The following CBX2 variants were observed in gnomAD, a reference collection of about 807,000 sequenced individuals.
The protein encoded by CBX2 is chromobox protein homolog 2.
Under a neutral mutation model 21.0 loss-of-function variants are expected in CBX2, and 11 were observed. That is an observed-to-expected ratio of 0.52 (90% confidence interval 0.33 to 0.87). CBX2 has a LOEUF of 0.87. Among genes scored for constraint, CBX2 ranks in the 40% least tolerant of loss-of-function variants. CBX2 has a pLI of 0.02. For missense variants in CBX2, 746 were observed against 724.3 expected (o/e 1.03, Z -0.34); for synonymous variants, 364 against 304.6 (o/e 1.19, Z -2.03).
chr17:79,780,935 C>G (rs542096847), intron 3 of CBX2, among the ~76,000 whole-genome samples: 2 of 152,130 alleles, frequency 1.3e-5, no homozygotes, highest in African/African-American at 2.4e-5. Flanking sequence ...GCCTTCCAGG[C>G]CCCAATGAGA....
chr17:79,781,687 T>C lies in CBX2; in HGVS notation c.183-9T>C, dbSNP rs1907212936. ...GCTTCTCCCCCATTAACTAGTGGTGTGCCTTCAGGGAACATGAGAAGGAGG... is the reference window on the plus strand; with the variant it reads ...GCTTCTCCCCCATTAACTAGTGGTGCGCCTTCAGGGAACATGAGAAGGAGG... On this transcript the variant is annotated splice_polypyrimidine_tract_variant and intron_variant, in intron 3 of 4. Coordinates refer to ENST00000310942, the MANE Select transcript of CBX2 (RefSeq NM_005189.3). The C allele has an allele frequency of 5.6e-6, 9 of 1,610,134 alleles. No homozygotes were observed. The highest frequency in any genetic ancestry group is 7.6e-6 in the Non-Finnish European group (9 of 1,176,496).
rs782249643 is a variant in CBX2 at position 79,778,413 on chromosome 17, C to T, written c.102C>T (p.Arg34=). The T allele has an allele frequency of 3.2e-6, 5 of 1,571,338 alleles. No individual in the cohort carries two copies. Among genetic ancestry groups the T allele is most frequent in the Non-Finnish European group, 4.3e-6 (5 of 1,164,698 alleles). The change falls in exon 2 of 5, where the codon CGC becomes CGT. Residue 34 remains arginine, a synonymous_variant. Transcript: ENST00000310942. The surrounding 1 kb of genome is among the most constrained non-coding windows in gnomAD (Gnocchi z 4.8). ...KGKLEYLVKW[R]GWSSKHNSWE... Reference sequence around the variant, plus strand: ...AGCTGGAGTACCTGGTCAAGTGGCGCGGCTGGTCCTCCAAGTGAGTCCCCC... The same window carrying T: ...AGCTGGAGTACCTGGTCAAGTGGCGTGGCTGGTCCTCCAAGTGAGTCCCCC...
intron 4 of CBX2, among the ~76,000 whole-genome samples, chr17:79,783,263 C>T (rs990737413): frequency 2.6e-5 from 4 of 152,250 alleles, no homozygotes; most frequent in East Asian, 1.9e-4. Context: ...ACTGTGAGCA[C>T]GGTGAGAAGT....
At chr17:79,782,599 G>GTTCATTCAGGA in intron 4 of CBX2, 2 of 650,502 alleles carry the variant, frequency 3.1e-6, no homozygotes, top group Non-Finnish European at 4.0e-6. Context: ...AGGATTTCCT[G>GTTCATTCAGGA]AATGAACAGG....
Position 79,787,940 on chromosome 17 carries a change from GTTTT to G in CBX2, c.*2901_*2904del, listed in dbSNP as rs1406538405. On this transcript the variant is annotated 3_prime_UTR_variant, in exon 5 of 5. Coordinates refer to ENST00000310942, the MANE Select transcript of CBX2 (RefSeq NM_005189.3). ...AAAGCCAATCACTGGCTTGATTTGT[GTTTT>G]TTAATTAAAAAAAAAATCATTCATG... 3 of 151,634 alleles carry G rather than the reference GTTTT, an allele frequency of 2.0e-5. No individual in the cohort carries two copies. The highest frequency in any genetic ancestry group is 7.3e-5 in the African/African-American group (3 of 41,144). 9.4% of individuals were successfully genotyped at this position (151,634 alleles called of 1,614,324 possible).
chr17:79,784,985 C>T lies in CBX2; in HGVS notation c.1542C>T (p.Thr514=), dbSNP rs781983730. 1.5e-5 allele frequency: 24 copies of T among 1,607,128 alleles called. No individual in the cohort carries two copies. The highest frequency in any genetic ancestry group is 5.0e-5 in the Admixed American group (3 of 60,032). Residue 514 remains threonine (T), a synonymous_variant, in exon 5 of 5, where the codon ACC becomes ACT. Transcript: ENST00000310942. The surrounding 1 kb of genome is among the most constrained non-coding windows in gnomAD (Gnocchi z 5.9). ...FVTDVTANLI[T]VTVKESPTSV... is the part of the protein sequence containing the mutation. ...CCGACGTCACTGCCAACCTCATCAC[C>T]GTCACAGTGAAGGAGTCTCCCACCA...
At chr17:79,782,486 T>A in intron 4 of CBX2, 1 of 1,201,226 alleles carries the variant, frequency 8.3e-7, no homozygotes, top group Non-Finnish European at 1.0e-6. Flanking sequence ...GGGCCTGGCC[T>A]CAGTCCCGGG....
chr17:79,782,747 T>TGTTTGAGGAG (rs1247762130), intron 4 of CBX2, among the ~76,000 whole-genome samples: 1 of 152,102 alleles, frequency 6.6e-6, no homozygotes, highest in East Asian at 1.9e-4. Context: ...ATTGATGCCT[T>TGTTTGAGGAG]GTTTGAGGAG....
Position 79,778,339 on chromosome 17 carries a change from C to T in CBX2, c.72+32C>T, listed in dbSNP as rs1568498128. 6.4e-7 allele frequency: 1 copy of T among 1,571,588 alleles called. No homozygotes were observed. The highest frequency in any genetic ancestry group is 8.6e-7 in the Non-Finnish European group (1 of 1,163,842). ...GCGGCCCGCCGGGCCCCCCGCCCGC[C>T]GCCCGCTGTCCGTCTGGCTCACGGC... On this transcript the variant is annotated intron_variant, in intron 1 of 4. Transcript: ENST00000310942. This position sits in a 1 kb window ranked among gnomAD's most constrained non-coding sequence, Gnocchi z 4.8.
In CBX2 at chr17:79,781,693, C is replaced by T. The variant is rs781788632; in HGVS notation, c.183-3C>T. On this transcript the variant is annotated splice_polypyrimidine_tract_variant and splice_region_variant and intron_variant, in intron 3 of 4. Transcript: ENST00000310942. ...CCCCCATTAACTAGTGGTGTGCCTT[C>T]AGGGAACATGAGAAGGAGGTGCAGA... The T allele has an allele frequency of 3.7e-6, 6 of 1,613,400 alleles. No homozygotes were observed. The highest frequency in any genetic ancestry group is 1.7e-4 in the Middle Eastern group (1 of 6,056).
rs568859702 is a variant in CBX2, at chr17:79,785,798, G to A, written c.*756G>A. 1.0e-3 allele frequency: 153 copies of A among 152,782 alleles called. No homozygotes were observed. Among genetic ancestry groups the A allele is most frequent in the South Asian group, 1.9e-3 (9 of 4,838 alleles). The allele number at this position is 152,782 out of a possible 1,614,324, so 9.5% of individuals were successfully genotyped here. A position where few individuals can be genotyped will look rare whatever the true frequency, so the allele number is the denominator to read the frequency against. ...ACAAGCCAGCGTGGGTGGGGCGGGG[G>A]TGGTCCCACAGCTGGGTTCCACCTG... is the stretch of plus-strand genomic sequence containing the variant. On this transcript the variant is annotated 3_prime_UTR_variant, in exon 5 of 5. Coordinates refer to ENST00000310942, the MANE Select transcript of CBX2 (RefSeq NM_005189.3).
At chr17:79,779,255 C>A in intron 2 of CBX2, 107 bp from the exon 3 acceptor site, 1 of 1,040,336 alleles carries the variant, frequency 9.6e-7, no homozygotes, top group Non-Finnish European at 1.5e-6. Flanking sequence ...GGTGCCACTG[C>A]CATCGGCCCA....
chr17:79,779,380 G>A lies in CBX2; in HGVS notation c.135G>A (p.Pro45=), dbSNP rs1555829739. The change falls in exon 3 of 5, where the codon CCG becomes CCA. Residue 45 remains proline, a synonymous_variant. Transcript: ENST00000310942. ...TTTGCAGACATAACAGCTGGGAGCC[G>A]GAGGAGAACATCCTGGACCCGAGGC... ...GWSSKHNSWE[P]EENILDPRLL... is the part of the protein sequence containing the mutation. 4 of 1,613,874 alleles carry A rather than the reference G, an allele frequency of 2.5e-6. No individual in the cohort carries two copies. The highest frequency in any genetic ancestry group is 1.1e-5 in the South Asian group (1 of 91,060).
Position 79,785,199 on chromosome 17 carries a change from C to A in CBX2, c.*157C>A. ...GGGCAGGCTTGGAAGGGACTTCTCC[C>A]GCACCCCACTCTGTCCCAGGACATA... On this transcript the variant is annotated 3_prime_UTR_variant, in exon 5 of 5. Transcript: ENST00000310942. 1 of 668,394 alleles carries A rather than the reference C, an allele frequency of 1.5e-6. No individual in the cohort carries two copies. The highest frequency in any genetic ancestry group is 2.7e-5 in the East Asian group (1 of 36,872). The allele number at this position is 668,394 out of a possible 1,614,324, so 41.4% of individuals were successfully genotyped here.
rs782664660 is a variant in CBX2, at chr17:79,781,813, CGCTGGGTAT to C, written c.288+17_288+25del. The C allele has an allele frequency of 1.5e-5, 25 of 1,613,898 alleles. No homozygotes were observed. The highest frequency in any genetic ancestry group is 2.1e-5 in the Non-Finnish European group (25 of 1,179,936). Reference sequence around the variant, plus strand: ...GCTCCAAGCTCAAGGTGGGTGGCTGCGCTGGGTATGCTGACCCCACCTCCCAGCACCCCC... The same window carrying C: ...GCTCCAAGCTCAAGGTGGGTGGCTGCGCTGACCCCACCTCCCAGCACCCCC... On this transcript the variant is annotated intron_variant, in intron 4 of 4. Transcript: ENST00000310942.
Position 79,778,610 on chromosome 17 carries a change from C to T in CBX2, c.116+183C>T, listed in dbSNP as rs1906918962. 6.6e-6 allele frequency among the ~76,000 whole-genome samples: 1 copy of T among 151,536 alleles called. No homozygotes were observed. The highest frequency in any genetic ancestry group is 1.5e-5 in the Non-Finnish European group (1 of 67,796). ...GGGGGCCGCCCGGCCCGAGGTTGCC[C>T]TTTGTTTACACGCCCGCGGGTGCAG... On this transcript the variant is annotated intron_variant, in intron 2 of 4. Coordinates refer to ENST00000310942, the MANE Select transcript of CBX2 (RefSeq NM_005189.3). The surrounding 1 kb of genome is among the most constrained non-coding windows in gnomAD (Gnocchi z 4.8).
rs1907420935 is a variant in CBX2, at chr17:79,783,880, A to C, written c.437A>C (p.Lys146Thr). 1 of 1,614,040 alleles carries C rather than the reference A, an allele frequency of 6.2e-7. No individual in the cohort carries two copies. The highest frequency in any genetic ancestry group is 8.5e-7 in the Non-Finnish European group (1 of 1,180,002). The change falls in exon 5 of 5, where the codon AAG becomes ACG. Residue 146 changes from lysine to threonine, a missense_variant. By Grantham distance (78) the Lys-to-Thr change is moderately conservative. Coordinates refer to ENST00000310942, the MANE Select transcript of CBX2 (RefSeq NM_005189.3). ...GAGACCCACCCAGTGCCGCAGAAGA[A>C]GGCCCAGATCCTGGTGGCCAAACCC... Reference protein sequence around the residue: ...GRETHPVPQKKAQILVAKPEL... With the variant: ...GRETHPVPQKTAQILVAKPEL...
intron 3 of CBX2, 28 bp downstream of exon 3, chr17:79,779,455 G>A (rs1906996789): frequency 1.2e-6 from 2 of 1,603,346 alleles, no homozygotes; most frequent in Non-Finnish European, 8.5e-7. Context: ...ACTGGGGAGG[G>A]TGTGGGGGAG....
intron 3 of CBX2, 67 bp downstream of exon 3, chr17:79,779,494 G>T: frequency 6.9e-7 from 1 of 1,453,084 alleles, no homozygotes. Flanking sequence ...GTCGTGCTGG[G>T]CGCTGCTCGC....
Sources: gnomAD v4.1 joint callset for allele counts (sites outside exome capture counted in the v4.1 genomes callset) on GRCh38, gnomAD v4.1.1 for gene constraint, Gnocchi (gnomAD v3.1) non-coding constraint, MANE v1.5 for transcripts, NCBI Gene and HGNC (gene_info 2026-07-23, HGNC 2026-07-21) for gene names.